RWDD1: variants seen among roughly 807,000 people sequenced by gnomAD.
RWDD1 encodes the protein RWD domain-containing protein 1.
In RWDD1, 17 loss-of-function variants were observed where a neutral mutation model predicts 31.6. The ratio of observed to expected loss-of-function variants is 0.54; its 90% CI spans 0.37 to 0.81. The LOEUF is 0.81. Ranked by LOEUF, RWDD1 falls within the 30% of genes least tolerant of loss-of-function variation. The probability of loss-of-function intolerance (pLI) is 0.00; values close to 1 mark genes in which losing one functional copy is unlikely to be tolerated. For missense variants in RWDD1, 204 were observed against 274.5 expected, an observed-to-expected ratio of 0.74 and a Z score of 1.82; for synonymous variants, 78 against 94.2, an observed-to-expected ratio of 0.83 and a Z score of 0.99.
Position 116,596,461 on chromosome 6 carries a change from T to G in RWDD1, c.*3360T>G, listed in dbSNP as rs933143171. 3.9e-5 allele frequency: 6 copies of G among 152,226 alleles called. No individual in the cohort carries two copies. The highest frequency in any genetic ancestry group is 1.4e-4 in the African/African-American group (6 of 41,460). 9.4% of individuals were successfully genotyped at this position (152,226 alleles called of 1,614,324 possible). ...CACTTAAGTTACTTGTGTCAGAGGA[T>G]GGATGATGGGGTCATTTAAATTGTT... On this transcript the variant is annotated 3_prime_UTR_variant, in exon 7 of 7. Transcript: ENST00000466444.
chr6:116,586,315 A>T (rs192539454), intron 3 of RWDD1, among the ~76,000 whole-genome samples: 1 of 152,170 alleles, frequency 6.6e-6, no homozygotes, highest in African/African-American at 2.4e-5. Flanking sequence ...TTAATTGTCT[A>T]TTAACATTTT....
intron 2 of RWDD1, among the ~76,000 whole-genome samples, chr6:116,580,941 A>T (rs1420457414): frequency 3.9e-5 from 6 of 152,120 alleles, no homozygotes; most frequent in South Asian, 2.1e-4. Context: ...TGATATGGTA[A>T]TTTGATAAAA....
rs1383663526 is a variant in RWDD1 at position 116,594,836 on chromosome 6, A to G, written c.*1735A>G. 6.6e-6 allele frequency: 1 copy of G among 152,266 alleles called. No homozygotes were observed. The highest frequency in any genetic ancestry group is 1.5e-5 in the Non-Finnish European group (1 of 68,054). The allele number at this position is 152,266 out of a possible 1,614,324, so 9.4% of individuals were successfully genotyped here. A position where few individuals can be genotyped will look rare whatever the true frequency, so the allele number is the denominator to read the frequency against. ...AAGAGCTGCCTCCAGTAAAAAATACATATGCCACATACCCACAAACAGCAA... is the reference window on the plus strand; with the variant it reads ...AAGAGCTGCCTCCAGTAAAAAATACGTATGCCACATACCCACAAACAGCAA... On this transcript the variant is annotated 3_prime_UTR_variant, in exon 7 of 7. Transcript: ENST00000466444.
chr6:116,589,601 CAT>C, intron 4 of RWDD1, among the ~76,000 whole-genome samples: 1 of 152,212 alleles, frequency 6.6e-6, no homozygotes, highest in East Asian at 1.9e-4. Context: ...GTATTCAAAA[CAT>C]ATCAGTTTTG....
intron 2 of RWDD1, among the ~76,000 whole-genome samples, chr6:116,583,306 T>C (rs560457213): frequency 6.6e-6 from 1 of 152,280 alleles, no homozygotes; most frequent in African/African-American, 2.4e-5. Context: ...CTCAAGATAT[T>C]TTTAAAGTTC....
In RWDD1 at chr6:116,594,477, T is replaced by C. The variant is rs1177380756; in HGVS notation, c.*1376T>C. The C allele has an allele frequency of 6.6e-6, 1 of 152,238 alleles. No homozygotes were observed. Among genetic ancestry groups the C allele is most frequent in the East Asian group, 1.9e-4 (1 of 5,206 alleles). 9.4% of individuals were successfully genotyped at this position (152,238 alleles called of 1,614,324 possible). On this transcript the variant is annotated 3_prime_UTR_variant, in exon 7 of 7. Coordinates refer to ENST00000466444, the MANE Select transcript of RWDD1 (RefSeq NM_015952.4). ...ATTTTAAAACAGCAAAATCTCATAC[T>C]GGTTCTACAGATTATTCTGATGCAC...
chr6:116,572,376 AC>A (rs1278165726), intron 1 of RWDD1: 25 of 152,232 alleles, frequency 1.6e-4, no homozygotes, highest in African/African-American at 5.8e-4. Flanking sequence ...CAGGGCTGGT[AC>A]TGAGTTATAC....
At chr6:116,580,416 A>T in intron 2 of RWDD1, 56 bp downstream of exon 2, 3 of 1,306,788 alleles carry the variant, frequency 2.3e-6, no homozygotes, top group Non-Finnish European at 3.2e-6. Context: ...AATTTCACTC[A>T]TTCTGTAGGC....
At chr6:116,580,663 C>T (rs1436754612) in intron 2 of RWDD1, among the ~76,000 whole-genome samples, 1 of 152,050 alleles carries the variant, frequency 6.6e-6, no homozygotes, top group African/African-American at 2.4e-5. Flanking sequence ...AGCAATACTT[C>T]ACGTGCAAAC....
At position 116,571,612 on chromosome 6, in the gene RWDD1, C is replaced by T. The variant is rs113708369; in HGVS notation, c.30C>T (p.Asn10=). 37 of 1,613,590 alleles carry T rather than the reference C, an allele frequency of 2.3e-5. No individual in the cohort carries two copies. Among genetic ancestry groups the T allele is most frequent in the Non-Finnish European group, 3.0e-5 (35 of 1,179,928 alleles). MTDYGEEQR[N]ELEALESIYP... is the part of the protein sequence containing the mutation. ...CAGATTACGGCGAGGAGCAGCGCAA[C>T]GAGCTGGAGGCCCTGGAGTCCATCT... The change falls in exon 1 of 7, where the codon AAC becomes AAT. Residue 10 remains asparagine, a synonymous_variant. Transcript: ENST00000466444.
rs1397911023 is a variant in RWDD1 at position 116,571,556 on chromosome 6, G to C, written c.-27G>C. On this transcript the variant is annotated 5_prime_UTR_variant, in exon 1 of 7. Coordinates refer to ENST00000466444, the MANE Select transcript of RWDD1 (RefSeq NM_015952.4). ...CTGCGCGCCGCCTAGGTGTCTGGGCGATCTATGGGCAAGAGCAAGGGCCAC... is the reference window on the plus strand; with the variant it reads ...CTGCGCGCCGCCTAGGTGTCTGGGCCATCTATGGGCAAGAGCAAGGGCCAC... 2 of 1,609,454 alleles carry C rather than the reference G, an allele frequency of 1.2e-6. No individual in the cohort carries two copies. Among genetic ancestry groups the C allele is most frequent in the South Asian group, 2.2e-5 (2 of 90,702 alleles).
intron 1 of RWDD1, among the ~76,000 whole-genome samples, chr6:116,577,598 A>G (rs988987111): frequency 9.2e-5 from 14 of 151,974 alleles, no homozygotes; most frequent in Non-Finnish European, 1.8e-4. Context: ...TGTTAGTGGC[A>G]TCACATTCTC....
intron 6 of RWDD1, among the ~76,000 whole-genome samples, chr6:116,591,674 C>T (rs10457308): frequency 0.36 from 54,289 of 152,226 alleles, 11,090 homozygotes; most frequent in East Asian, 0.54. Context: ...TCTCTCCCCT[C>T]GGGAGCTTAT....
chr6:116,571,705 G>T, intron 1 of RWDD1, 50 bp downstream of exon 1: 1 of 1,552,144 alleles, frequency 6.4e-7, no homozygotes. Context: ...GGAGTAGGAC[G>T]GGCAGGAGCT....
Position 116,596,077 on chromosome 6 carries a change from G to T in RWDD1, c.*2976G>T, listed in dbSNP as rs990566561. ...TTTGTAAGTGTTCAGTATTTGTGTG[G>T]CAGCCCTTTTAGGTGTAATGAAGTG... On this transcript the variant is annotated 3_prime_UTR_variant, in exon 7 of 7. Coordinates refer to ENST00000466444, the MANE Select transcript of RWDD1 (RefSeq NM_015952.4). The T allele has an allele frequency of 3.3e-5, 5 of 152,238 alleles. No individual in the cohort carries two copies. The highest frequency in any genetic ancestry group is 7.2e-5 in the African/African-American group (3 of 41,466). 9.4% of individuals were successfully genotyped at this position (152,238 alleles called of 1,614,324 possible). A position where few individuals can be genotyped will look rare whatever the true frequency, so the allele number is the denominator to read the frequency against.
chr6:116,597,558 A>G lies in RWDD1; in HGVS notation c.*4457A>G, dbSNP rs980194101. ...TATTTAGATTGTTTTCAATTTTTACATAATGAACAATGCATCATGGGATTA... is the reference window on the plus strand; with the variant it reads ...TATTTAGATTGTTTTCAATTTTTACGTAATGAACAATGCATCATGGGATTA... On this transcript the variant is annotated 3_prime_UTR_variant, in exon 7 of 7. Coordinates refer to ENST00000466444, the MANE Select transcript of RWDD1 (RefSeq NM_015952.4). The G allele has an allele frequency of 3.9e-5, 6 of 152,200 alleles. No individual in the cohort carries two copies. Among genetic ancestry groups the G allele is most frequent in the African/African-American group, 1.4e-4 (6 of 41,456 alleles). 9.4% of individuals were successfully genotyped at this position (152,200 alleles called of 1,614,324 possible). A position where few individuals can be genotyped will look rare whatever the true frequency, so the allele number is the denominator to read the frequency against.
At chr6:116,579,021 A>G (rs1322324472) in intron 1 of RWDD1, among the ~76,000 whole-genome samples, 2 of 152,046 alleles carry the variant, frequency 1.3e-5, no homozygotes, top group Non-Finnish European at 2.9e-5. Context: ...GATTACAGGC[A>G]TGCGCCACCA....
intron 2 of RWDD1, among the ~76,000 whole-genome samples, chr6:116,580,742 A>G (rs1485774027): frequency 1.3e-5 from 2 of 152,036 alleles, no homozygotes; most frequent in African/African-American, 4.8e-5. Context: ...CTCTTTGAAC[A>G]TTTAGATTGT....
At chr6:116,574,875 CT>C (rs1774810709) in intron 1 of RWDD1, among the ~76,000 whole-genome samples, 1 of 150,460 alleles carries the variant, frequency 6.6e-6, no homozygotes, top group Non-Finnish European at 1.5e-5. Flanking sequence ...CTCAAGTGAT[CT>C]TCCCACCTCA....
Sources: allele counts gnomAD v4.1 joint callset (sites outside exome capture counted in the v4.1 genomes callset), GRCh38; gene constraint gnomAD v4.1.1; transcripts MANE v1.5; gene names NCBI Gene and HGNC (gene_info 2026-07-23, HGNC 2026-07-21).